The following STUM variants were observed in gnomAD, a reference collection of about 807,000 sequenced individuals.
STUM encodes protein stum homolog.
In STUM, 8 loss-of-function variants were observed where a neutral mutation model predicts 15.3. The observed-to-expected ratio is 0.52, with a 90% CI of 0.31 to 0.94. The LOEUF (loss-of-function observed/expected upper bound fraction) is 0.94, where lower values mean the gene tolerates loss of function less well. Ranked by LOEUF, STUM falls within the 40% of genes least tolerant of loss-of-function variation. The probability of loss-of-function intolerance (pLI) is 0.05; values close to 1 mark genes in which losing one functional copy is unlikely to be tolerated. For synonymous variants in STUM, 78 were observed against 88.7 expected (o/e 0.88, Z 0.68); for missense variants, 142 against 204.9 (o/e 0.69, Z 1.87).
In STUM at chr1:226,602,198, C is replaced by T. The variant is rs1027530181; in HGVS notation, c.*158C>T. 1 of 616,872 alleles carries T rather than the reference C, an allele frequency of 1.6e-6. No homozygotes were observed. Among genetic ancestry groups the T allele is most frequent in the African/African-American group, 1.8e-5 (1 of 54,168 alleles). The allele number at this position is 616,872 out of a possible 1,614,324, so 38.2% of individuals were successfully genotyped here. ...AATATTATTTATTTTGAAAACGCAT[C>T]TGCTTTTCTCAGCAGGTTGTGAGGG... On this transcript the variant is annotated 3_prime_UTR_variant, in exon 4 of 4. Coordinates refer to ENST00000366788, the MANE Select transcript of STUM (RefSeq NM_001003665.4).
At chr1:226,594,111 G>T (rs1197859380) in intron 1 of STUM, among the ~76,000 whole-genome samples, 1 of 152,218 alleles carries the variant, frequency 6.6e-6, no homozygotes, top group Non-Finnish European at 1.5e-5. Flanking sequence ...ACGAGGCAGG[G>T]TCAGTTTCAG....
rs1234912184 is a variant in STUM at position 226,602,347 on chromosome 1, CTG to C, written c.*309_*310del. 2.4e-6 allele frequency: 1 copy of C among 411,754 alleles called. No individual in the cohort carries two copies. Among genetic ancestry groups the C allele is most frequent in the East Asian group, 4.4e-5 (1 of 22,614 alleles). 25.5% of individuals were successfully genotyped at this position (411,754 alleles called of 1,614,324 possible). ...CTCCGGCAGGCTCCAACTGGCCTTG[CTG>C]TACCCACTGCCCACCGCAAAGGCAC... On this transcript the variant is annotated 3_prime_UTR_variant, in exon 4 of 4. Transcript: ENST00000366788.
In STUM at chr1:226,600,925, G is replaced by C. The variant is rs1668252833; in HGVS notation, c.391+251G>C. Among the ~76,000 whole-genome samples the C allele has an allele frequency of 6.6e-6, 1 of 152,070 alleles. No homozygotes were observed. The highest frequency in any genetic ancestry group is 2.4e-5 in the African/African-American group (1 of 41,382). On this transcript the variant is annotated intron_variant, in intron 3 of 3. Coordinates refer to ENST00000366788, the MANE Select transcript of STUM (RefSeq NM_001003665.4). The surrounding 1 kb of genome is among the most constrained non-coding windows in gnomAD (Gnocchi z 5.2). ...ATTCATGGCCAGCCTCCTTTCCTCT[G>C]TCATTCGCCACATCTCCCCTACCCC...
chr1:226,599,264 T>C (rs538738838), intron 2 of STUM, among the ~76,000 whole-genome samples: 103 of 152,340 alleles, frequency 6.8e-4, no homozygotes, highest in Non-Finnish European at 1.3e-3. Context: ...CACCTCATTC[T>C]TGCCCACTGC....
intron 2 of STUM, among the ~76,000 whole-genome samples, chr1:226,599,828 T>C (rs1280827032): frequency 6.6e-6 from 1 of 152,252 alleles, no homozygotes; most frequent in African/African-American, 2.4e-5. Context: ...TAATCAATCA[T>C]GACACTTTCT....
intron 1 of STUM, among the ~76,000 whole-genome samples, chr1:226,590,239 T>C (rs940964905): frequency 1.3e-5 from 2 of 151,958 alleles, no homozygotes; most frequent in Non-Finnish European, 2.9e-5. Context: ...GGAAAAGTGG[T>C]CCTCACCCAC....
Position 226,552,026 on chromosome 1 carries a change from C to T in STUM, c.202+2920C>T, listed in dbSNP as rs143241489. Among the ~76,000 whole-genome samples the T allele has an allele frequency of 9.8e-4, 149 of 152,310 alleles. No homozygotes were observed. The highest frequency in any genetic ancestry group is 1.6e-3 in the Non-Finnish European group (110 of 68,014). On this transcript the variant is annotated intron_variant, in intron 1 of 3. Coordinates refer to ENST00000366788, the MANE Select transcript of STUM (RefSeq NM_001003665.4). The surrounding 1 kb of genome is among the most constrained non-coding windows in gnomAD (Gnocchi z 4.7). Reference sequence around the variant, plus strand: ...AACTTCCTTCCCTGCAAGTCCTCTCCTGGATTGCAGATTGGATGAGAGGGC... The same window carrying T: ...AACTTCCTTCCCTGCAAGTCCTCTCTTGGATTGCAGATTGGATGAGAGGGC...
intron 1 of STUM, among the ~76,000 whole-genome samples, chr1:226,574,586 G>T (rs543018732): frequency 6.6e-6 from 1 of 152,200 alleles, no homozygotes; most frequent in Admixed American, 6.5e-5. Flanking sequence ...GGAATTGGGG[G>T]CCAAGGTCAG....
At position 226,549,542 on chromosome 1, in the gene STUM, C is replaced by T. The variant is rs1041016175; in HGVS notation, c.202+436C>T. 2.6e-5 allele frequency among the ~76,000 whole-genome samples: 4 copies of T among 152,170 alleles called. No homozygotes were observed. Among genetic ancestry groups the T allele is most frequent in the African/African-American group, 9.7e-5 (4 of 41,446 alleles). ...GGGCCTCGGCGGCGAGGATCAAACTCCCGGGCGTCGAAGTCAGCTGAGCCG... is the reference window on the plus strand; with the variant it reads ...GGGCCTCGGCGGCGAGGATCAAACTTCCGGGCGTCGAAGTCAGCTGAGCCG... On this transcript the variant is annotated intron_variant, in intron 1 of 3. Transcript: ENST00000366788. This position sits in a 1 kb window ranked among gnomAD's most constrained non-coding sequence, Gnocchi z 6.8.
At chr1:226,570,815 A>T (rs535763122) in intron 1 of STUM, among the ~76,000 whole-genome samples, 1 of 152,340 alleles carries the variant, frequency 6.6e-6, no homozygotes, top group Admixed American at 6.5e-5. Flanking sequence ...TAGCGTTCTG[A>T]TGAAGCCTTG....
rs780840915 is a variant in STUM, at chr1:226,548,875, C to T, written c.-30C>T. 3.3e-5 allele frequency: 44 copies of T among 1,330,492 alleles called. 1 individual carries two copies. The East Asian group carries it at 6.9e-4, about 21-fold the overall frequency. The allele number at this position is 1,330,492 out of a possible 1,614,324, so 82.4% of individuals were successfully genotyped here. ...ACGCTGGGCGCCAGCTCCGGCCGTG[C>T]TGCCCGGCTGCCTGAGAGCGCGCCC... On this transcript the variant is annotated 5_prime_UTR_variant, in exon 1 of 4. Coordinates refer to ENST00000366788, the MANE Select transcript of STUM (RefSeq NM_001003665.4).
At chr1:226,569,290 CTTATTA>C (rs1314275972) in intron 1 of STUM, among the ~76,000 whole-genome samples, 1 of 152,064 alleles carries the variant, frequency 6.6e-6, no homozygotes, top group African/African-American at 2.4e-5. Context: ...ACATGTTGTC[CTTATTA>C]TTATTATCCT....
At chr1:226,595,918 G>A (rs1038807669) in intron 1 of STUM, among the ~76,000 whole-genome samples, 1 of 152,246 alleles carries the variant, frequency 6.6e-6, no homozygotes, top group Non-Finnish European at 1.5e-5. Flanking sequence ...ATAAATTTGT[G>A]TGGCTTTTAA....
chr1:226,585,261 A>G (rs1381457298), intron 1 of STUM, among the ~76,000 whole-genome samples: 1 of 152,154 alleles, frequency 6.6e-6, no homozygotes, highest in Non-Finnish European at 1.5e-5. Context: ...TTATTTTCCT[A>G]GTCATAATTA....
At chr1:226,566,460 A>C (rs925994939) in intron 1 of STUM, among the ~76,000 whole-genome samples, 3 of 152,250 alleles carry the variant, frequency 2.0e-5, no homozygotes, top group Non-Finnish European at 4.4e-5. Context: ...GCAACTGCTA[A>C]AAACCTATGA....
intron 1 of STUM, among the ~76,000 whole-genome samples, chr1:226,595,061 GC>G (rs1191331542): frequency 6.6e-6 from 1 of 152,214 alleles, no homozygotes; most frequent in African/African-American, 2.4e-5. Context: ...CTAGTAGCTG[GC>G]TCGAGCAGGC....
intron 1 of STUM, among the ~76,000 whole-genome samples, chr1:226,564,358 A>G (rs1667587152): frequency 6.6e-6 from 1 of 152,104 alleles, no homozygotes; most frequent in Non-Finnish European, 1.5e-5. Context: ...TAGGGAAGGG[A>G]GTGGGTGAGT....
At chr1:226,595,175 C>T (rs1387280420) in intron 1 of STUM, among the ~76,000 whole-genome samples, 1 of 152,210 alleles carries the variant, frequency 6.6e-6, no homozygotes, top group Non-Finnish European at 1.5e-5. Context: ...GTGTAAGTTC[C>T]AAAGTTCAAA....
intron 1 of STUM, among the ~76,000 whole-genome samples, chr1:226,587,996 G>A (rs1328041493): frequency 6.6e-6 from 1 of 152,152 alleles, no homozygotes; most frequent in Non-Finnish European, 1.5e-5. Context: ...AATGTTGAAA[G>A]CCACTCACAG....
Sources: gnomAD v4.1 joint callset for allele counts (sites outside exome capture counted in the v4.1 genomes callset) on GRCh38, gnomAD v4.1.1 for gene constraint, Gnocchi (gnomAD v3.1) non-coding constraint, MANE v1.5 for transcripts, NCBI Gene and HGNC (gene_info 2026-07-23, HGNC 2026-07-21) for gene names.